The following SMCHD1 variants were observed in gnomAD, a reference collection of about 807,000 sequenced individuals.
The protein encoded by SMCHD1 is structural maintenance of chromosomes flexible hinge domain containing 1.
Under a neutral mutation model 254.7 loss-of-function variants are expected in SMCHD1, and 78 were observed. The ratio of observed to expected loss-of-function variants is 0.31; its 90% CI spans 0.26 to 0.37. The LOEUF is 0.37. Ranked by LOEUF, SMCHD1 falls within the 10% of genes least tolerant of loss-of-function variation. The pLI is 1.00. For missense variants in SMCHD1, 1,840 were observed against 2,408.1 expected (o/e 0.76, Z 4.94); for synonymous variants, 766 against 794.9 (o/e 0.96, Z 0.61).
At chr18:2,668,481 G>A (rs981302743) in intron 3 of SMCHD1, among the ~76,000 whole-genome samples, 1 of 152,162 alleles carries the variant, frequency 6.6e-6, no homozygotes, top group Non-Finnish European at 1.5e-5. Flanking sequence ...AGTGAGTAGT[G>A]GAGCCAGCAT....
intron 6 of SMCHD1, 45 bp downstream of exon 6, chr18:2,688,553 T>G: frequency 6.3e-7 from 1 of 1,593,336 alleles, no homozygotes; most frequent in South Asian, 1.1e-5. Context: ...TCAAAATATT[T>G]TGAAGTTGAC....
intron 37 of SMCHD1, among the ~76,000 whole-genome samples, chr18:2,765,128 T>A (rs1457843353): frequency 6.6e-6 from 1 of 152,234 alleles, no homozygotes; most frequent in East Asian, 1.9e-4. Flanking sequence ...TTTAGAATTT[T>A]CATTTTTTTC....
At chr18:2,684,323 T>A (rs2073992399) in intron 5 of SMCHD1, among the ~76,000 whole-genome samples, 1 of 152,224 alleles carries the variant, frequency 6.6e-6, no homozygotes, top group Non-Finnish European at 1.5e-5. Context: ...AATGTAATAA[T>A]ACAAAGAGTG....
At chr18:2,755,452 C>T (rs942803551) in intron 34 of SMCHD1, among the ~76,000 whole-genome samples, 4 of 151,906 alleles carry the variant, frequency 2.6e-5, no homozygotes, top group African/African-American at 9.7e-5. Context: ...TGAGCCACCA[C>T]TCCTGGCTCT....
At chr18:2,756,065 A>G (rs541415612) in intron 34 of SMCHD1, among the ~76,000 whole-genome samples, 28 of 152,230 alleles carry the variant, frequency 1.8e-4, no homozygotes, top group Admixed American at 3.3e-4. Flanking sequence ...TTATAAATTG[A>G]CTTCAGATTT....
intron 24 of SMCHD1, among the ~76,000 whole-genome samples, chr18:2,730,672 G>A (rs918356150): frequency 6.6e-5 from 10 of 152,146 alleles, no homozygotes; most frequent in African/African-American, 2.4e-4. Flanking sequence ...TGATTTCTTA[G>A]TAATTGATAT....
chr18:2,764,846 A>G (rs1224840477), intron 37 of SMCHD1, among the ~76,000 whole-genome samples: 1 of 152,176 alleles, frequency 6.6e-6, no homozygotes. Flanking sequence ...AGGGATGACT[A>G]TATATCCTTT....
At chr18:2,677,162 C>T (rs185776775) in intron 5 of SMCHD1, among the ~76,000 whole-genome samples, 2 of 119,864 alleles carry the variant, frequency 1.7e-5, no homozygotes, top group East Asian at 2.1e-4. Flanking sequence ...TAAAAACATA[C>T]AGAAAAGTTG....
chr18:2,659,268 C>A (rs1014909706), intron 1 of SMCHD1, among the ~76,000 whole-genome samples: 8 of 152,150 alleles, frequency 5.3e-5, no homozygotes, highest in Admixed American at 5.2e-4. Flanking sequence ...CAGGTGCCTG[C>A]CACCACGCCT....
intron 22 of SMCHD1, 112 bp from the exon 23 acceptor site, chr18:2,728,345 G>T: frequency 9.2e-7 from 1 of 1,090,436 alleles, no homozygotes; most frequent in Non-Finnish European, 1.3e-6. Flanking sequence ...TTTCTTTCTT[G>T]GCAATATTTA....
At chr18:2,782,744 CAAAAAAAAAA>C (rs779083565) in intron 44 of SMCHD1, among the ~76,000 whole-genome samples, 58 of 44,984 alleles carry the variant, frequency 1.3e-3, no homozygotes, top group African/African-American at 4.6e-3. Context: ...GACCACAACT[CAAAAAAAAAA>C]AAAAAAAAAA....
Position 2,743,906 on chromosome 18 carries a change from T to C in SMCHD1, c.3779T>C (p.Ile1260Thr), listed in dbSNP as rs1722814335. The C allele has an allele frequency of 1.2e-6, 2 of 1,612,448 alleles. No homozygotes were observed. The highest frequency in any genetic ancestry group is 8.5e-7 in the Non-Finnish European group (1 of 1,179,284). ...ISGPPAKLLLIDWPELKESIP... is the reference protein window; with the variant it reads ...ISGPPAKLLLTDWPELKESIP... The stretch of plus-strand genomic sequence containing the variant: ...GGACCTCCTGCTAAACTTCTCCTTA[T>C]AGACTGGCCAGAACTAAAGGAGGTA... Residue 1260 changes from isoleucine (I) to threonine (T), a missense_variant, in exon 29 of 48, where the codon ATA becomes ACA. By Grantham distance (89) the Ile-to-Thr change is moderately conservative. Coordinates refer to ENST00000320876, the MANE Select transcript of SMCHD1 (RefSeq NM_015295.3).
At chr18:2,740,068 A>G (rs996946652) in intron 27 of SMCHD1, among the ~76,000 whole-genome samples, 1 of 151,924 alleles carries the variant, frequency 6.6e-6, no homozygotes, top group Non-Finnish European at 1.5e-5. Flanking sequence ...TTTCTCTTAA[A>G]TGCTGTCCCT....
At position 2,753,645 on chromosome 18, in the gene SMCHD1, G is replaced by A. The variant is rs192784710; in HGVS notation, c.4346+1093G>A. Among the ~76,000 whole-genome samples, 200 of 152,238 alleles carry A rather than the reference G, an allele frequency of 1.3e-3. 2 individuals carry two copies. Among genetic ancestry groups the A allele is most frequent in the African/African-American group, 4.6e-3 (192 of 41,548 alleles). ...CAACCTCTGCTTCCCTGGCTCAAGC[G>A]AGCCCCCTGCCTCAGCCTCCCAAGT... On this transcript the variant is annotated intron_variant, in intron 34 of 47. Coordinates refer to ENST00000320876, the MANE Select transcript of SMCHD1 (RefSeq NM_015295.3).
At chr18:2,737,601 A>C (rs1452905879) in intron 25 of SMCHD1, among the ~76,000 whole-genome samples, 1 of 152,006 alleles carries the variant, frequency 6.6e-6, no homozygotes, top group Non-Finnish European at 1.5e-5. Flanking sequence ...AATCTCAGCT[A>C]CTCATGAGAC....
intron 7 of SMCHD1, among the ~76,000 whole-genome samples, chr18:2,689,556 TAA>T (rs2074127826): frequency 6.6e-6 from 1 of 151,894 alleles, no homozygotes; most frequent in African/African-American, 2.4e-5. Context: ...CTTTAATATA[TAA>T]GTTAGTTTAC....
chr18:2,700,441 G>T, intron 10 of SMCHD1, 98 bp from the exon 11 acceptor site: 3 of 1,300,810 alleles, frequency 2.3e-6, no homozygotes, highest in South Asian at 3.1e-5. Flanking sequence ...ACTACCTTTA[G>T]GTTTTATAGA....
Position 2,802,664 on chromosome 18 carries a change from A to G in SMCHD1, c.*112A>G. 3 of 937,226 alleles carry G rather than the reference A, an allele frequency of 3.2e-6. No individual in the cohort carries two copies. The highest frequency in any genetic ancestry group is 3.9e-5 in the South Asian group (2 of 50,822). 58.1% of individuals were successfully genotyped at this position (937,226 alleles called of 1,614,324 possible). ...ACCAGACTGAGTATTTCTGGGGACA[A>G]TACAAGTACCTGGGCATGAATTTCC... On this transcript the variant is annotated 3_prime_UTR_variant, in exon 48 of 48. Transcript: ENST00000320876.
Position 2,728,582 on chromosome 18 carries a change from A to G in SMCHD1, c.2899A>G (p.Ile967Val). 1 of 1,612,118 alleles carries G rather than the reference A, an allele frequency of 6.2e-7. No individual in the cohort carries two copies. The highest frequency in any genetic ancestry group is 8.5e-7 in the Non-Finnish European group (1 of 1,179,122). The part of the protein sequence containing the change: ...SDNITAQPKL[I>V]VHCKFSGAPN... ...CAACATAACAGCACAACCAAAATTG[A>G]TTGTTCATTGTAAGGTAAGCTTATT... Residue 967 changes from isoleucine to valine, a missense_variant, in exon 23 of 48, where the codon ATT (isoleucine) becomes GTT (valine). Coordinates refer to ENST00000320876, the MANE Select transcript of SMCHD1 (RefSeq NM_015295.3).
Sources: gnomAD v4.1 joint callset for allele counts (sites outside exome capture counted in the v4.1 genomes callset) on GRCh38, gnomAD v4.1.1 for gene constraint, MANE v1.5 for transcripts, NCBI Gene and HGNC (gene_info 2026-07-23, HGNC 2026-07-21) for gene names.